Variants in MCF2L2 observed in about 807,000 individuals in gnomAD.
The protein encoded by MCF2L2 is MCF.2 cell line derived transforming sequence-like 2, also known as probable guanine nucleotide exchange factor MCF2L2.
In MCF2L2, 102 loss-of-function variants were observed where a neutral mutation model predicts 150.2. The observed-to-expected ratio is 0.68, with a 90% CI of 0.58 to 0.80. MCF2L2 has a LOEUF of 0.80. MCF2L2 is among the 30% of genes least tolerant of loss of function. The probability of loss-of-function intolerance (pLI) is 0.00; values close to 1 mark genes in which losing one functional copy is unlikely to be tolerated. For missense variants in MCF2L2, 1,256 were observed against 1,372.8 expected, an observed-to-expected ratio of 0.91 and a Z score of 1.34; for synonymous variants, 465 against 491.3, an observed-to-expected ratio of 0.95 and a Z score of 0.71.
chr3:183,315,097 C>T (rs1042938296), intron 7 of MCF2L2, among the ~76,000 whole-genome samples: 4 of 148,684 alleles, frequency 2.7e-5, no homozygotes, highest in South Asian at 2.2e-4. Context: ...CTACCATTCC[C>T]GGCTAATTTT....
At chr3:183,322,225 A>T (rs969473328) in intron 6 of MCF2L2, among the ~76,000 whole-genome samples, 2 of 152,246 alleles carry the variant, frequency 1.3e-5, no homozygotes, top group Admixed American at 6.5e-5. Flanking sequence ...AATCACCAGT[A>T]TCAGTAGGTA....
Position 183,179,612 on chromosome 3 carries a change from G to C in MCF2L2, c.3186C>G (p.Ser1062Arg). 6.2e-7 allele frequency: 1 copy of C among 1,614,142 alleles called. No homozygotes were observed. The highest frequency in any genetic ancestry group is 8.5e-7 in the Non-Finnish European group (1 of 1,179,992). The part of the protein sequence containing the change: ...KSAFLERGES[S>R]QGEKEERDEE... ...CATCGCGTTCTTCTTTTTCTCCCTG[G>C]CTGCTTTCTCCCCTCTCCAGGAAAG... is the stretch of plus-strand genomic sequence containing the variant. Residue 1062 changes from serine (S) to arginine (R), a missense_variant, in exon 29 of 30, where the codon AGC becomes AGG. Ser to Arg is a moderately radical substitution (Grantham distance 110). Coordinates refer to ENST00000328913, the MANE Select transcript of MCF2L2 (RefSeq NM_015078.4). This position sits in a 1 kb window ranked among gnomAD's most constrained non-coding sequence, Gnocchi z 4.2.
intron 14 of MCF2L2, among the ~76,000 whole-genome samples, chr3:183,288,371 T>G (rs767393687): frequency 2.0e-5 from 3 of 152,102 alleles, no homozygotes; most frequent in Non-Finnish European, 2.9e-5. Context: ...TGTTAACATC[T>G]AAGAAATTGA....
At chr3:183,400,350 C>T in intron 1 of MCF2L2, 1 of 453,270 alleles carries the variant, frequency 2.2e-6, no homozygotes. Flanking sequence ...TTCCACACTA[C>T]CTTTTTTTGC....
chr3:183,185,664 T>C (rs1170164458), intron 27 of MCF2L2, among the ~76,000 whole-genome samples: 2 of 152,192 alleles, frequency 1.3e-5, no homozygotes, highest in East Asian at 1.9e-4. Flanking sequence ...GTCTGATCCA[T>C]CCCAGTAGCT....
At chr3:183,203,369 A>C (rs1022050943) in intron 25 of MCF2L2, among the ~76,000 whole-genome samples, 1 of 152,254 alleles carries the variant, frequency 6.6e-6, no homozygotes, top group African/African-American at 2.4e-5. Flanking sequence ...ATCCTCATTA[A>C]ATAGAAAATA....
intron 3 of MCF2L2, among the ~76,000 whole-genome samples, chr3:183,345,359 C>A (rs1355648168): frequency 1.3e-5 from 2 of 152,080 alleles, no homozygotes; most frequent in African/African-American, 4.8e-5. Context: ...GAAATAAGTT[C>A]TTTGAAACCA....
At position 183,197,587 on chromosome 3, in the gene MCF2L2, C is replaced by A. The variant is rs1722117469; in HGVS notation, c.2885-2332G>T. 6.6e-6 allele frequency among the ~76,000 whole-genome samples: 1 copy of A among 152,072 alleles called. No homozygotes were observed. The highest frequency in any genetic ancestry group is 1.5e-5 in the Non-Finnish European group (1 of 68,004). On this transcript the variant is annotated intron_variant, in intron 25 of 29. Transcript: ENST00000328913. This position sits in a 1 kb window ranked among gnomAD's most constrained non-coding sequence, Gnocchi z 4.5. ...GATTTCTTAGGCAGGATACCGAAAA[C>A]ATGATACATACAGTTTTTAAAATTA...
intron 15 of MCF2L2, among the ~76,000 whole-genome samples, chr3:183,274,041 C>T (rs1318964796): frequency 6.6e-6 from 1 of 152,028 alleles, no homozygotes; most frequent in Non-Finnish European, 1.5e-5. Context: ...ATGGTGAAAC[C>T]CCATCTCTAC....
At chr3:183,193,125 T>G in intron 26 of MCF2L2, 29 bp from the exon 27 acceptor site, 29 of 1,520,810 alleles carry the variant, frequency 1.9e-5, no homozygotes, top group Non-Finnish European at 2.6e-5. Context: ...GAATATTGAG[T>G]CACTGGAAGG....
chr3:183,294,631 A>T (rs867663156), intron 13 of MCF2L2, among the ~76,000 whole-genome samples: 2,004 of 114,018 alleles, frequency 0.018, 58 homozygotes, highest in African/African-American at 0.053. Context: ...ATATATATAT[A>T]TATTTTTTTT....
intron 19 of MCF2L2, 28 bp from the exon 20 acceptor site, chr3:183,223,466 A>G: frequency 6.6e-7 from 1 of 1,521,250 alleles, no homozygotes; most frequent in Non-Finnish European, 9.1e-7. Context: ...AAACAACATA[A>G]AGCAAAACAA....
chr3:183,186,342 C>A (rs559030163), intron 27 of MCF2L2, among the ~76,000 whole-genome samples: 1 of 152,200 alleles, frequency 6.6e-6, no homozygotes, highest in Admixed American at 6.5e-5. Context: ...CAGCCTCAAC[C>A]TCCTGAGCTC....
At chr3:183,216,993 T>G (rs1722967952) in intron 21 of MCF2L2, among the ~76,000 whole-genome samples, 1 of 149,274 alleles carries the variant, frequency 6.7e-6, no homozygotes, top group Admixed American at 6.6e-5. Flanking sequence ...TGGGGCTTAC[T>G]GAAAAAAAAA....
chr3:183,379,113 T>C, intron 3 of MCF2L2, 184 bp downstream of exon 3: 1 of 525,406 alleles, frequency 1.9e-6, no homozygotes, highest in South Asian at 2.8e-5. Flanking sequence ...TTGTTTGTCA[T>C]TGTTTTCCAG....
intron 25 of MCF2L2, among the ~76,000 whole-genome samples, chr3:183,201,558 C>A (rs558044512): frequency 6.6e-6 from 1 of 152,342 alleles, no homozygotes; most frequent in East Asian, 1.9e-4. Flanking sequence ...AATATACAAT[C>A]ATGTCATCTG....
intron 10 of MCF2L2, among the ~76,000 whole-genome samples, chr3:183,306,950 C>T (rs1729128404): frequency 6.6e-6 from 1 of 152,218 alleles, no homozygotes. Context: ...AACCCTGCAG[C>T]AAGTTCTGCT....
intron 2 of MCF2L2, among the ~76,000 whole-genome samples, chr3:183,388,145 A>G (rs889212066): frequency 6.6e-6 from 1 of 152,166 alleles, no homozygotes; most frequent in Non-Finnish European, 1.5e-5. Flanking sequence ...TACTCAAAGG[A>G]GATAAATTTG....
chr3:183,272,023 A>G (rs1396705175), intron 15 of MCF2L2: 2 of 467,842 alleles, frequency 4.3e-6, no homozygotes, highest in Non-Finnish European at 5.8e-6. Flanking sequence ...AAGTTATAAT[A>G]TCTAAAACAA....
Sources: gnomAD v4.1 joint callset for allele counts (sites outside exome capture counted in the v4.1 genomes callset) on GRCh38, gnomAD v4.1.1 for gene constraint, Gnocchi (gnomAD v3.1) non-coding constraint, MANE v1.5 for transcripts, NCBI Gene and HGNC (gene_info 2026-07-23, HGNC 2026-07-21) for gene names.